NFATC1: variants seen among roughly 807,000 people sequenced by gnomAD.
The protein encoded by NFATC1 is nuclear factor of activated T cells 1, also known as nuclear factor of activated T-cells, cytoplasmic 1.
Under a neutral mutation model 76.0 loss-of-function variants are expected in NFATC1, and 22 were observed. That is an observed-to-expected ratio of 0.29 (90% CI 0.21 to 0.41). NFATC1 has a LOEUF of 0.41. Among genes scored for constraint, NFATC1 ranks in the 10% least tolerant of loss-of-function variants. The pLI is 1.00. For synonymous variants in NFATC1, 704 were observed against 613.1 expected (o/e 1.15, Z -2.19); for missense variants, 1,357 against 1,337.7 (o/e 1.01, Z -0.23).
intron 9 of NFATC1, among the ~76,000 whole-genome samples, chr18:79,526,406 T>G (rs73481148): frequency 0.053 from 8,021 of 152,308 alleles, 283 homozygotes; most frequent in Admixed American, 0.09. Flanking sequence ...GAGCAGGGCC[T>G]GCGGGGAGCC....
chr18:79,477,390 C>G (rs2089116116), intron 8 of NFATC1, among the ~76,000 whole-genome samples: 1 of 152,258 alleles, frequency 6.6e-6, no homozygotes, highest in African/African-American at 2.4e-5. Context: ...AGGGAACTGT[C>G]TTGGGATCAT....
intron 8 of NFATC1, among the ~76,000 whole-genome samples, chr18:79,474,801 CTG>C (rs1234777453): frequency 7.0e-6 from 1 of 142,930 alleles, no homozygotes; most frequent in African/African-American, 2.7e-5. Flanking sequence ...CGTTTTCACA[CTG>C]TCGACGTAAA....
At chr18:79,507,846 G>A (rs1023812859) in intron 9 of NFATC1, among the ~76,000 whole-genome samples, 1 of 152,256 alleles carries the variant, frequency 6.6e-6, no homozygotes, top group Non-Finnish European at 1.5e-5. Flanking sequence ...TTTCGGAGGA[G>A]CTGGCTGTGG....
chr18:79,426,389 C>T (rs912131546), intron 2 of NFATC1, among the ~76,000 whole-genome samples: 56 of 152,330 alleles, frequency 3.7e-4, no homozygotes, highest in South Asian at 4.1e-4. Flanking sequence ...ACTGTGTGGC[C>T]GGCTCCCCAG....
chr18:79,511,283 A>G (rs1231153557), intron 9 of NFATC1, among the ~76,000 whole-genome samples: 1 of 152,160 alleles, frequency 6.6e-6, no homozygotes, highest in Non-Finnish European at 1.5e-5. Flanking sequence ...TATGTCCTGA[A>G]GATTACAAGG....
intron 8 of NFATC1, chr18:79,468,485 A>G (rs1220786001): frequency 6.6e-6 from 1 of 152,154 alleles, no homozygotes. Flanking sequence ...TAATCTTTTT[A>G]TATTGCTTTT....
In NFATC1 at chr18:79,402,264, C is replaced by T. The variant is rs925525988; in HGVS notation, c.127+5913C>T. The T allele has an allele frequency of 1.1e-5, 10 of 908,278 alleles. No homozygotes were observed. In the East Asian group the frequency reaches 4.8e-4, roughly 43 times the overall value. 56.3% of individuals were successfully genotyped at this position (908,278 alleles called of 1,614,324 possible). A position where few individuals can be genotyped will look rare whatever the true frequency, so the allele number is the denominator to read the frequency against. ...CCCTCGAGGCCTAGTCTCACAAGGA[C>T]GCCACAGTTTATACACCATTTTGAG... On this transcript the variant is annotated intron_variant, in intron 1 of 9. Transcript: ENST00000427363.
At chr18:79,424,203 G>T (rs538268221) in intron 2 of NFATC1, among the ~76,000 whole-genome samples, 20 of 152,304 alleles carry the variant, frequency 1.3e-4, no homozygotes, top group African/African-American at 4.1e-4. Context: ...CACAGATGCC[G>T]CCGCACTATC....
Position 79,486,780 on chromosome 18 carries a change from G to T in NFATC1, c.2625G>T (p.Pro875=), listed in dbSNP as rs563975116. 3.7e-6 allele frequency: 6 copies of T among 1,608,376 alleles called. No homozygotes were observed. The African/African-American group carries it at 5.3e-5, about 14-fold the overall frequency. ...SPACPPATGR[P]QHLPSTVRRD... The stretch of plus-strand genomic sequence containing the variant: ...CGTGCCCGCCCGCCACGGGCCGCCC[G>T]CAGCACCTGCCGTCCACGGTCCGCA... The change falls in exon 9 of 10, where the codon CCG becomes CCT. Residue 875 remains proline, a synonymous_variant. Transcript: ENST00000427363.
intron 8 of NFATC1, among the ~76,000 whole-genome samples, chr18:79,476,251 G>T (rs781734350): frequency 1.3e-5 from 2 of 152,242 alleles, no homozygotes; most frequent in African/African-American, 4.8e-5. Flanking sequence ...CCGCCTCCGG[G>T]CGGCGTCGGC....
At position 79,450,512 on chromosome 18, in the gene NFATC1, A is replaced by G. The variant is rs145884546; in HGVS notation, c.1590-442A>G. 3.9e-5 allele frequency among the ~76,000 whole-genome samples: 6 copies of G among 151,974 alleles called. No homozygotes were observed. The East Asian group carries it at 1.2e-3, about 29-fold the overall frequency. ...TGAGCTTTTTGGGAACTACTCCAAG[A>G]TAAGTGAGAACAGCAGGTGCCTCTG... On this transcript the variant is annotated intron_variant, in intron 4 of 9. Transcript: ENST00000427363.
At chr18:79,515,535 T>G (rs1407766951) in intron 9 of NFATC1, among the ~76,000 whole-genome samples, 8 of 151,922 alleles carry the variant, frequency 5.3e-5, no homozygotes, top group Admixed American at 5.2e-4. Context: ...AGGGGCGTAT[T>G]GGCTTCTGAG....
At chr18:79,428,408 C>T (rs532392810) in intron 2 of NFATC1, among the ~76,000 whole-genome samples, 2 of 152,326 alleles carry the variant, frequency 1.3e-5, no homozygotes, top group African/African-American at 2.4e-5. Context: ...ACCCCGGACC[C>T]TAGTGGGTGA....
At chr18:79,484,125 G>T (rs1159636529) in intron 8 of NFATC1, among the ~76,000 whole-genome samples, 2 of 151,976 alleles carry the variant, frequency 1.3e-5, no homozygotes, top group Non-Finnish European at 2.9e-5. Flanking sequence ...CGAGGCGGGG[G>T]GAGCACACCC....
chr18:79,456,558 T>C (rs2087736934), intron 6 of NFATC1, among the ~76,000 whole-genome samples: 1 of 152,222 alleles, frequency 6.6e-6, no homozygotes, highest in Non-Finnish European at 1.5e-5. Flanking sequence ...CTTGTTTTCC[T>C]AGGGTCTGGT....
intron 2 of NFATC1, among the ~76,000 whole-genome samples, chr18:79,418,535 C>T (rs2148225970): frequency 6.6e-6 from 1 of 152,336 alleles, no homozygotes; most frequent in African/African-American, 2.4e-5. Context: ...GATGTGGAGC[C>T]TTCTGGGGTC....
Position 79,411,416 on chromosome 18 carries a change from G to A in NFATC1, c.1141G>A (p.Gly381Ser), listed in dbSNP as rs146992531. 4.3e-5 allele frequency: 67 copies of A among 1,554,284 alleles called. No homozygotes were observed. The highest frequency in any genetic ancestry group is 5.5e-5 in the Non-Finnish European group (64 of 1,153,400). ...YSSFQHIRKGGFCDQYLAVPQ... is the reference protein window; with the variant it reads ...YSSFQHIRKGSFCDQYLAVPQ... ...CTCTTTCCAGCACATCAGGAAGGGC[G>A]GCTTCTGCGACCAGTACCTGGCGGT... is the stretch of plus-strand genomic sequence containing the variant. Residue 381 changes from glycine to serine, a missense_variant, in exon 2 of 10, where the codon GGC becomes AGC. Gly to Ser is a moderately conservative substitution (Grantham distance 56, BLOSUM62 0). Coordinates refer to ENST00000427363, the MANE Select transcript of NFATC1 (RefSeq NM_001278669.2).
intron 3 of NFATC1, chr18:79,448,329 C>T (rs111258606): frequency 7.4e-4 from 136 of 183,728 alleles, no homozygotes; most frequent in Middle Eastern, 5.2e-3. Flanking sequence ...TGTGTGCAAA[C>T]GCAGTGTGGC....
rs1291231753 is a variant in NFATC1, at chr18:79,427,995, A to G, written c.1227-5584A>G. ...GGGGGGTGCTGGACGGCTGGCCTCTATGTAGTCGGGGAGGCTGGATGACTG... is the reference window on the plus strand; with the variant it reads ...GGGGGGTGCTGGACGGCTGGCCTCTGTGTAGTCGGGGAGGCTGGATGACTG... On this transcript the variant is annotated intron_variant, in intron 2 of 9. Transcript: ENST00000427363. Among the ~76,000 whole-genome samples, 6 of 115,218 alleles carry G rather than the reference A, an allele frequency of 5.2e-5. No homozygotes were observed. The East Asian group carries it at 9.3e-4, about 18-fold the overall frequency. 75.6% of individuals were successfully genotyped at this position (115,218 alleles called of 152,430 possible).
Sources: gnomAD v4.1 joint callset for allele counts (sites outside exome capture counted in the v4.1 genomes callset) on GRCh38, gnomAD v4.1.1 for gene constraint, MANE v1.5 for transcripts, NCBI Gene and HGNC (gene_info 2026-07-23, HGNC 2026-07-21) for gene names.